The following TPD52L1 variants were observed in gnomAD, a reference collection of about 807,000 sequenced individuals.
TPD52L1 encodes the protein TPD52 like 1.
TPD52L1 carries 18 observed loss-of-function variants against 28.7 expected under a neutral mutation model. The ratio of observed to expected loss-of-function variants is 0.63; its 90% CI spans 0.43 to 0.93. The LOEUF (loss-of-function observed/expected upper bound fraction) is 0.93, where lower values mean the gene tolerates loss of function less well. Among genes scored for constraint, TPD52L1 ranks in the 40% least tolerant of loss-of-function variants. TPD52L1 has a pLI of 0.00. For missense variants in TPD52L1, 203 were observed against 254.8 expected (o/e 0.80, Z 1.39); for synonymous variants, 75 against 88.8 (o/e 0.84, Z 0.88).
chr6:125,166,812 T>C (rs1487533602), intron 1 of TPD52L1, among the ~76,000 whole-genome samples: 3 of 149,234 alleles, frequency 2.0e-5, no homozygotes, highest in African/African-American at 7.4e-5. Context: ...CTTAGGAGAA[T>C]AGATGGGAGA....
chr6:125,155,864 C>T (rs373544832), intron 1 of TPD52L1, among the ~76,000 whole-genome samples: 2 of 152,120 alleles, frequency 1.3e-5, no homozygotes, highest in African/African-American at 2.4e-5. Context: ...TCCCATTCTA[C>T]AGAGAGGAAA....
At position 125,154,267 on chromosome 6, in the gene TPD52L1, C is replaced by T. The variant is rs767221717; in HGVS notation, c.19+297C>T. ...AGCCAGTCGCCCCTGGCCTTCCCAA[C>T]CTCGCGGCTGCCCGAAGGACCTGTT... is the stretch of plus-strand genomic sequence containing the variant. On this transcript the variant is annotated intron_variant, in intron 1 of 6. Transcript: ENST00000534000. 6.7e-4 allele frequency: 811 copies of T among 1,215,746 alleles called. 1 individual carries two copies. Among genetic ancestry groups the T allele is most frequent in the Non-Finnish European group, 7.7e-4 (749 of 975,372 alleles). The allele number at this position is 1,215,746 out of a possible 1,614,324, so 75.3% of individuals were successfully genotyped here.
chr6:125,207,311 CAG>C (rs1794217277), intron 1 of TPD52L1, among the ~76,000 whole-genome samples: 1 of 152,198 alleles, frequency 6.6e-6, no homozygotes, highest in Non-Finnish European at 1.5e-5. Context: ...TGTAACCTAA[CAG>C]ATTTGCATTA....
chr6:125,248,283 T>C lies in TPD52L1; in HGVS notation c.286T>C (p.Tyr96His). 6.2e-7 allele frequency: 1 copy of C among 1,613,148 alleles called. No homozygotes were observed. Among genetic ancestry groups the C allele is most frequent in the Non-Finnish European group, 8.5e-7 (1 of 1,179,192 alleles). ...SWHDMQTTTA[Y>H]KKTHETLSHA... ...CATGTTGTTCTGTTTTATTTCTAGC[T>C]ACAAGAAAACACATGAAACCCTGAG... Residue 96 changes from tyrosine (Y) to histidine (H), a missense_variant and splice_region_variant, in exon 4 of 7, where the codon TAC becomes CAC. Tyr to His is a moderately conservative substitution (Grantham distance 83, BLOSUM62 2). Coordinates refer to ENST00000534000, the MANE Select transcript of TPD52L1 (RefSeq NM_003287.4).
At position 125,189,436 on chromosome 6, in the gene TPD52L1, T is replaced by C. The variant is rs113306062; in HGVS notation, c.20-30642T>C. Among the ~76,000 whole-genome samples the C allele has an allele frequency of 2.5e-3, 382 of 152,296 alleles. 2 individuals are homozygous for C. Among genetic ancestry groups the C allele is most frequent in the African/African-American group, 8.5e-3 (352 of 41,554 alleles). ...ATGATGTGTGTTATATCTAACTGGA[T>C]TTGGGAGCAAAGAATTTCAAAAAGC... On this transcript the variant is annotated intron_variant, in intron 1 of 6. Transcript: ENST00000534000.
chr6:125,157,016 A>T (rs1162591273), intron 1 of TPD52L1, among the ~76,000 whole-genome samples: 1 of 152,206 alleles, frequency 6.6e-6, no homozygotes, highest in African/African-American at 2.4e-5. Context: ...TGTTTATAGC[A>T]TATATTAAAG....
intron 1 of TPD52L1, among the ~76,000 whole-genome samples, chr6:125,164,596 AT>A (rs1260211431): frequency 1.3e-5 from 2 of 152,224 alleles, no homozygotes; most frequent in African/African-American, 4.8e-5. Context: ...GAAAGGGCTA[AT>A]TTCAATGAGT....
intron 6 of TPD52L1, among the ~76,000 whole-genome samples, chr6:125,259,008 CACTAG>C (rs1395662041): frequency 6.6e-6 from 1 of 152,020 alleles, no homozygotes; most frequent in Admixed American, 6.5e-5. Flanking sequence ...TTTTTTTTCC[CACTAG>C]ACTAAATAAT....
intron 1 of TPD52L1, among the ~76,000 whole-genome samples, chr6:125,175,456 C>A (rs2114800765): frequency 6.6e-6 from 1 of 152,258 alleles, no homozygotes; most frequent in Middle Eastern, 3.4e-3. Flanking sequence ...TTGTTCCCAA[C>A]ACTGAAATCC....
intron 1 of TPD52L1, among the ~76,000 whole-genome samples, chr6:125,158,654 G>A (rs1024687711): frequency 2.6e-5 from 4 of 152,132 alleles, no homozygotes; most frequent in Non-Finnish European, 5.9e-5. Flanking sequence ...ATATTGCATG[G>A]AAGATAAATT....
intron 1 of TPD52L1, among the ~76,000 whole-genome samples, chr6:125,193,561 C>A (rs1297372564): frequency 6.6e-6 from 1 of 152,098 alleles, no homozygotes; most frequent in Non-Finnish European, 1.5e-5. Flanking sequence ...CAGGCCACCA[C>A]ACTGCTGTGG....
rs1034062520 is a variant in TPD52L1 at position 125,182,334 on chromosome 6, G to A, written c.19+28364G>A. Among the ~76,000 whole-genome samples, 8 of 152,286 alleles carry A rather than the reference G, an allele frequency of 5.3e-5. No homozygotes were observed. In the South Asian group the frequency reaches 1.7e-3, roughly 32 times the overall value. On this transcript the variant is annotated intron_variant, in intron 1 of 6. Transcript: ENST00000534000. ...CTGTGTGACTTTTGTCACTTTTCAT[G>A]ATGTATAAGCACAGCTGCCTTTTTT... is the stretch of plus-strand genomic sequence containing the variant.
intron 1 of TPD52L1, chr6:125,154,255 T>A: frequency 1.8e-5 from 22 of 1,233,252 alleles, no homozygotes; most frequent in Non-Finnish European, 2.2e-5. Flanking sequence ...CAGTCGCCCC[T>A]GGCCTTCCCA....
At chr6:125,189,303 T>C (rs1008178368) in intron 1 of TPD52L1, among the ~76,000 whole-genome samples, 1 of 152,226 alleles carries the variant, frequency 6.6e-6, no homozygotes, top group African/African-American at 2.4e-5. Context: ...TTGTACACTA[T>C]TCTAAATACA....
intron 2 of TPD52L1, among the ~76,000 whole-genome samples, chr6:125,224,067 T>C (rs926955792): frequency 5.9e-5 from 9 of 151,422 alleles, no homozygotes; most frequent in Non-Finnish European, 1.0e-4. Context: ...GTTTTTTTTT[T>C]CTCTCTCTCT....
chr6:125,207,917 C>T (rs781141846), intron 1 of TPD52L1, among the ~76,000 whole-genome samples: 1 of 152,046 alleles, frequency 6.6e-6, no homozygotes, highest in South Asian at 2.1e-4. Context: ...CTAGGGAGGA[C>T]GAGGCAAGAT....
intron 4 of TPD52L1, among the ~76,000 whole-genome samples, chr6:125,250,284 A>G (rs1797183753): frequency 6.6e-6 from 1 of 152,160 alleles, no homozygotes; most frequent in African/African-American, 2.4e-5. Flanking sequence ...CTTAGGTTGC[A>G]CCTCTCAGAG....
At chr6:125,188,026 T>C (rs1792763094) in intron 1 of TPD52L1, among the ~76,000 whole-genome samples, 1 of 152,158 alleles carries the variant, frequency 6.6e-6, no homozygotes, top group Non-Finnish European at 1.5e-5. Context: ...ATAGAGATCT[T>C]GTTTTAGACG....
At chr6:125,162,999 G>A (rs1790622061) in intron 1 of TPD52L1, among the ~76,000 whole-genome samples, 2 of 152,188 alleles carry the variant, frequency 1.3e-5, no homozygotes, top group Admixed American at 1.3e-4. Context: ...ATTGAGTCCA[G>A]AGAATGAGCT....
Sources: allele counts gnomAD v4.1 joint callset (sites outside exome capture counted in the v4.1 genomes callset), GRCh38; gene constraint gnomAD v4.1.1; transcripts MANE v1.5; gene names NCBI Gene and HGNC (gene_info 2026-07-23, HGNC 2026-07-21).